IGF2BP2: variants seen among roughly 807,000 people sequenced by gnomAD.
The protein encoded by IGF2BP2 is insulin like growth factor 2 mRNA binding protein 2.
IGF2BP2 carries 17 observed loss-of-function variants against 75.8 expected under a neutral mutation model. The observed-to-expected ratio is 0.22, with a 90% CI of 0.15 to 0.34. The LOEUF (loss-of-function observed/expected upper bound fraction) is 0.34. Ranked by LOEUF, IGF2BP2 falls within the 10% of genes least tolerant of loss-of-function variation. IGF2BP2 has a pLI of 1.00. For missense variants in IGF2BP2, 516 were observed against 772.4 expected, an observed-to-expected ratio of 0.67 and a Z score of 3.93; for synonymous variants, 288 against 295.6, an observed-to-expected ratio of 0.97 and a Z score of 0.26.
Position 185,692,722 on chromosome 3 carries a change from A to G in IGF2BP2, c.381T>C (p.Tyr127=). The stretch of plus-strand genomic sequence containing the variant: ...ACATTTTTGCTTCTTCTCTTGTTGC[A>G]TATGTGACGTTGACAACGGCGGTTT... ...DTETAVVNVT[Y]ATREEAKIAM... The change falls in exon 5 of 16, where the codon TAT becomes TAC. Residue 127 remains tyrosine, a synonymous_variant. Transcript: ENST00000382199. 6.2e-7 allele frequency: 1 copy of G among 1,613,964 alleles called. No homozygotes were observed.
chr3:185,787,351 T>C lies in IGF2BP2; in HGVS notation c.239+35802A>G, dbSNP rs569383243. 7.9e-5 allele frequency among the ~76,000 whole-genome samples: 12 copies of C among 152,238 alleles called. No homozygotes were observed. The East Asian group carries it at 9.6e-4, about 12-fold the overall frequency. On this transcript the variant is annotated intron_variant, in intron 2 of 15. Transcript: ENST00000382199. Reference sequence around the variant, plus strand: ...ACTTAAAGAAATAAAAAATATGTCATTTAAAAAATATTTAACGTTTGTTCA... The same window carrying C: ...ACTTAAAGAAATAAAAAATATGTCACTTAAAAAATATTTAACGTTTGTTCA...
intron 2 of IGF2BP2, among the ~76,000 whole-genome samples, chr3:185,718,903 C>T (rs1033142982): frequency 2.6e-5 from 4 of 152,088 alleles, no homozygotes; most frequent in African/African-American, 9.7e-5. Context: ...CTATTCTGGG[C>T]TTCCCAGACC....
At chr3:185,742,984 A>G (rs899609111) in intron 2 of IGF2BP2, among the ~76,000 whole-genome samples, 2 of 151,954 alleles carry the variant, frequency 1.3e-5, no homozygotes, top group African/African-American at 4.8e-5. Flanking sequence ...CTGTAGTCCC[A>G]GCTACTAGGG....
At chr3:185,751,733 G>A (rs984347430) in intron 2 of IGF2BP2, among the ~76,000 whole-genome samples, 1 of 152,116 alleles carries the variant, frequency 6.6e-6, no homozygotes, top group African/African-American at 2.4e-5. Flanking sequence ...GGGAGGCCGA[G>A]ACGGGCGGAT....
At chr3:185,780,598 G>A (rs375021440) in intron 2 of IGF2BP2, among the ~76,000 whole-genome samples, 1 of 152,156 alleles carries the variant, frequency 6.6e-6, no homozygotes, top group African/African-American at 2.4e-5. Context: ...GTGGTATGAT[G>A]TTGGTTTTTC....
intron 10 of IGF2BP2, among the ~76,000 whole-genome samples, chr3:185,660,605 T>G (rs967410508): frequency 6.6e-6 from 1 of 152,142 alleles, no homozygotes; most frequent in Admixed American, 6.5e-5. Context: ...CAGCCCCTCA[T>G]GCCCACAAGA....
chr3:185,655,227 G>A (rs1715246360), intron 12 of IGF2BP2, among the ~76,000 whole-genome samples: 1 of 152,164 alleles, frequency 6.6e-6, no homozygotes, highest in Admixed American at 6.5e-5. Flanking sequence ...CGCCTCCCAG[G>A]TTCAAGTGAT....
At chr3:185,774,896 T>C (rs1472287983) in intron 2 of IGF2BP2, among the ~76,000 whole-genome samples, 1 of 151,992 alleles carries the variant, frequency 6.6e-6, no homozygotes, top group African/African-American at 2.4e-5. Flanking sequence ...GGTGGGCTCC[T>C]GTAGTCCCAG....
intron 2 of IGF2BP2, among the ~76,000 whole-genome samples, chr3:185,816,573 C>T (rs150364555): frequency 5.3e-5 from 8 of 152,228 alleles, no homozygotes; most frequent in Non-Finnish European, 1.2e-4. Context: ...TACAGTGGAG[C>T]GAGACTCAGG....
intron 2 of IGF2BP2, among the ~76,000 whole-genome samples, chr3:185,788,613 A>G (rs73061075): frequency 6.6e-6 from 1 of 151,972 alleles, no homozygotes; most frequent in South Asian, 2.1e-4. Flanking sequence ...ACACTACAGC[A>G]TAAGTGCTAG....
At position 185,824,937 on chromosome 3, in the gene IGF2BP2, C is replaced by T. The variant is rs1741843773; in HGVS notation, c.24G>A (p.Gly8=). Residue 8 remains glycine (G), a synonymous_variant, in exon 1 of 16, where the codon GGG becomes GGA. Transcript: ENST00000382199. ...CGGCGGTGACGGCGGGGCTCAGGTT[C>T]CCGATGTAAAGCTTGTTCATCATCC... is the stretch of plus-strand genomic sequence containing the variant. MMNKLYI[G]NLSPAVTADD... 1 of 1,555,572 alleles carries T rather than the reference C, an allele frequency of 6.4e-7. No homozygotes were observed. The highest frequency in any genetic ancestry group is 2.5e-5 in the East Asian group (1 of 39,788).
At chr3:185,775,575 G>C (rs1045775714) in intron 2 of IGF2BP2, among the ~76,000 whole-genome samples, 1 of 152,208 alleles carries the variant, frequency 6.6e-6, no homozygotes, top group Non-Finnish European at 1.5e-5. Context: ...AGGTGAACTG[G>C]AGTGCACCAA....
intron 2 of IGF2BP2, among the ~76,000 whole-genome samples, chr3:185,737,221 G>C (rs1024664646): frequency 6.6e-5 from 10 of 152,018 alleles, no homozygotes; most frequent in African/African-American, 2.4e-4. Context: ...TCTCTCCTAT[G>C]TCCTTCCTTC....
intron 2 of IGF2BP2, among the ~76,000 whole-genome samples, chr3:185,777,713 T>C (rs1336464251): frequency 6.6e-6 from 1 of 152,122 alleles, no homozygotes; most frequent in East Asian, 1.9e-4. Flanking sequence ...AAGCTAAAAT[T>C]GTAAGGAGCA....
At chr3:185,678,466 T>C in intron 7 of IGF2BP2, among the ~76,000 whole-genome samples, 1 of 152,366 alleles carries the variant, frequency 6.6e-6, no homozygotes, top group Middle Eastern at 3.4e-3. Flanking sequence ...ATTTTCCTTG[T>C]GCTGCTGATT....
chr3:185,720,438 C>T (rs1726350363), intron 2 of IGF2BP2, among the ~76,000 whole-genome samples: 1 of 152,052 alleles, frequency 6.6e-6, no homozygotes, highest in Non-Finnish European at 1.5e-5. Flanking sequence ...GCGCCCGGCC[C>T]CTTTGGGAGC....
chr3:185,689,122 C>T (rs1721554573), intron 6 of IGF2BP2: 1 of 542,942 alleles, frequency 1.8e-6, no homozygotes, highest in East Asian at 3.2e-5. Context: ...ACAGTCCTGG[C>T]TGTGAGGTTA....
chr3:185,788,371 T>G (rs1018524463), intron 2 of IGF2BP2, among the ~76,000 whole-genome samples: 3 of 152,042 alleles, frequency 2.0e-5, no homozygotes, highest in African/African-American at 7.2e-5. Context: ...AATAAAAAAT[T>G]AGCTGGGCAC....
chr3:185,706,738 CTTCT>C (rs938770020), intron 2 of IGF2BP2, among the ~76,000 whole-genome samples: 3 of 150,146 alleles, frequency 2.0e-5, no homozygotes, highest in African/African-American at 4.9e-5. Context: ...TCAGAGATTC[CTTCT>C]TTTTTTTTTT....
Sources: allele counts gnomAD v4.1 joint callset (sites outside exome capture counted in the v4.1 genomes callset), GRCh38; gene constraint gnomAD v4.1.1; transcripts MANE v1.5; gene names NCBI Gene and HGNC (gene_info 2026-07-23, HGNC 2026-07-21).